Variants in VPS53 observed in about 807,000 individuals in gnomAD.
VPS53 encodes VPS53 subunit of GARP complex, also known as vacuolar protein sorting-associated protein 53 homolog.
A neutral mutation model predicts 107.0 loss-of-function variants in VPS53; 70 were observed. The ratio of observed to expected loss-of-function variants is 0.65; its 90% confidence interval spans 0.54 to 0.80. The LOEUF (loss-of-function observed/expected upper bound fraction) is 0.80. VPS53 is among the 30% of genes least tolerant of loss of function. The probability of loss-of-function intolerance (pLI) is 0.00; values close to 1 mark genes in which losing one functional copy is unlikely to be tolerated. For synonymous variants in VPS53, 409 were observed against 393.3 expected (o/e 1.04, Z -0.47); for missense variants, 917 against 1,049.4 (o/e 0.87, Z 1.74).
chr17:618,317 ATATTTCC>A (rs1280172256), intron 11 of VPS53, among the ~76,000 whole-genome samples: 2 of 94,882 alleles, frequency 2.1e-5, no homozygotes, highest in Admixed American at 1.0e-4. Context: ...CGCCCCACTA[ATATTTCC>A]TGGGTAGCTG....
rs1363503753 is a variant in VPS53 at position 519,257 on chromosome 17, C to T, written c.2370G>A (p.Leu790=). The change falls in exon 22 of 22, where the codon CTG becomes CTA. Residue 790 remains leucine (L), a synonymous_variant. Coordinates refer to ENST00000437048, the MANE Select transcript of VPS53 (RefSeq NM_001128159.3). This position sits in a 1 kb window ranked among gnomAD's most constrained non-coding sequence, Gnocchi z 5.0. ...RSEQSSMLEL[L]RQRLPAPPSG... is the part of the protein sequence containing the mutation. ...AGGGCGGTGCGGGGAGCCGCTGGCG[C>T]AGGAGTTCCAGCATGCTGCTCTGCT... The T allele has an allele frequency of 2.0e-6, 3 of 1,538,148 alleles. No homozygotes were observed. In the Admixed American group the frequency reaches 6.3e-5, roughly 32 times the overall value.
intron 7 of VPS53, among the ~76,000 whole-genome samples, chr17:635,777 C>T (rs545742479): frequency 9.2e-5 from 14 of 152,308 alleles, no homozygotes; most frequent in East Asian, 1.9e-4. Flanking sequence ...GGTACCAGTA[C>T]CATGCTGTTT....
intron 2 of VPS53, 151 bp downstream of exon 2, chr17:710,382 C>G: frequency 1.6e-6 from 1 of 632,706 alleles, no homozygotes. Context: ...GTGTAGCTCA[C>G]TGCCCCAGCT....
At chr17:563,287 CTTTTTTT>C (rs36076034) in intron 13 of VPS53, among the ~76,000 whole-genome samples, 64 of 103,298 alleles carry the variant, frequency 6.2e-4, no homozygotes, top group African/African-American at 1.2e-3. Context: ...ACTTCATTTC[CTTTTTTT>C]TTTTTTTTTT....
intron 4 of VPS53, among the ~76,000 whole-genome samples, chr17:662,887 A>C (rs183825178): frequency 1.5e-4 from 18 of 119,944 alleles, no homozygotes; most frequent in African/African-American, 2.2e-4. Context: ...GGAAGGAAGG[A>C]AGGAAGGCAG....
chr17:549,583 GA>G (rs3833167), intron 17 of VPS53, among the ~76,000 whole-genome samples: 62,029 of 149,554 alleles, frequency 0.41, 13,966 homozygotes, highest in East Asian at 0.69. Context: ...TGATTTTATT[GA>G]AAAAAAAAAA....
At chr17:694,484 T>A (rs1466167796) in intron 4 of VPS53, among the ~76,000 whole-genome samples, 1 of 152,202 alleles carries the variant, frequency 6.6e-6, no homozygotes, top group African/African-American at 2.4e-5. Context: ...CTCACTATTT[T>A]CACATTCTTG....
At position 616,759 on chromosome 17, in the gene VPS53, A is replaced by C. The variant is rs149119077; in HGVS notation, c.1116+6774T>G. ...TTGCAAACTTGAGTAAGCTCCTGTC[A>C]GTTTTTCATGGTCTCTACGTGGTTA... On this transcript the variant is annotated intron_variant, in intron 11 of 21. Transcript: ENST00000437048. 3.0e-3 allele frequency among the ~76,000 whole-genome samples: 463 copies of C among 152,350 alleles called. 2 individuals carry two copies. The highest frequency in any genetic ancestry group is 9.5e-3 in the African/African-American group (396 of 41,580).
At chr17:693,669 GGT>G (rs1183071448) in intron 4 of VPS53, among the ~76,000 whole-genome samples, 2 of 152,198 alleles carry the variant, frequency 1.3e-5, no homozygotes, top group African/African-American at 4.8e-5. Flanking sequence ...AGGAGTTCAA[GGT>G]TACCGTGAAA....
rs564933313 is a variant in VPS53 at position 653,463 on chromosome 17, T to C, written c.489-53A>G. Reference sequence around the variant, plus strand: ...CTAGAAAAACACTAAAGACGCAAGATACAGACACAGAACAACCCACGCTAG... The same window carrying C: ...CTAGAAAAACACTAAAGACGCAAGACACAGACACAGAACAACCCACGCTAG... On this transcript the variant is annotated intron_variant, in intron 6 of 21. Coordinates refer to ENST00000437048, the MANE Select transcript of VPS53 (RefSeq NM_001128159.3). 12 of 1,611,844 alleles carry C rather than the reference T, an allele frequency of 7.4e-6. No individual in the cohort carries two copies. In the East Asian group the frequency reaches 1.1e-4, roughly 15 times the overall value.
chr17:577,207 T>G (rs1054120129), intron 13 of VPS53, among the ~76,000 whole-genome samples: 1 of 151,230 alleles, frequency 6.6e-6, no homozygotes, highest in Non-Finnish European at 1.5e-5. Flanking sequence ...GTCAATGCGT[T>G]CCCAGAGAAC....
chr17:594,507 T>A (rs1967852062), intron 12 of VPS53, among the ~76,000 whole-genome samples: 1 of 148,654 alleles, frequency 6.7e-6, no homozygotes, highest in Admixed American at 6.7e-5. Context: ...ATCAATTTCC[T>A]GGTTTAATGA....
At chr17:559,888 G>T (rs1912776125) in intron 15 of VPS53, among the ~76,000 whole-genome samples, 4 of 152,212 alleles carry the variant, frequency 2.6e-5, no homozygotes, top group African/African-American at 9.6e-5. Flanking sequence ...GGCCATGTGG[G>T]GGCCTCCAGC....
chr17:632,777 G>A (rs1288377629), intron 7 of VPS53: 1 of 456,256 alleles, frequency 2.2e-6, no homozygotes, highest in South Asian at 1.5e-5. Flanking sequence ...GTCTTCCCGT[G>A]TCTGGCTTAT....
At chr17:619,650 A>T (rs1364419542) in intron 11 of VPS53, among the ~76,000 whole-genome samples, 6 of 53,992 alleles carry the variant, frequency 1.1e-4, no homozygotes, top group African/African-American at 4.1e-4. Flanking sequence ...TTTCCCGGGT[A>T]GCTGGGACTA....
At chr17:571,262 G>T (rs1914023487) in intron 13 of VPS53, among the ~76,000 whole-genome samples, 1 of 149,402 alleles carries the variant, frequency 6.7e-6, no homozygotes, top group Non-Finnish European at 1.5e-5. Context: ...GGTGGGGAGG[G>T]GAGGGAGAAG....
At position 518,954 on chromosome 17, in the gene VPS53, G is replaced by A. The variant is rs1347583280; in HGVS notation, c.*174C>T. 5 of 669,190 alleles carry A rather than the reference G, an allele frequency of 7.5e-6. No individual in the cohort carries two copies. Among genetic ancestry groups the A allele is most frequent in the South Asian group, 5.4e-5 (2 of 36,748 alleles). 41.5% of individuals were successfully genotyped at this position (669,190 alleles called of 1,614,324 possible). ...AGCCCAGCCCTTACTCAGCGTCTCCGATTAGGGCAGGAAGTAAGACAGGGC... is the reference window on the plus strand; with the variant it reads ...AGCCCAGCCCTTACTCAGCGTCTCCAATTAGGGCAGGAAGTAAGACAGGGC... On this transcript the variant is annotated 3_prime_UTR_variant, in exon 22 of 22. Transcript: ENST00000437048.
intron 4 of VPS53, among the ~76,000 whole-genome samples, chr17:667,484 C>A (rs1189792704): frequency 8.0e-6 from 1 of 124,718 alleles, no homozygotes; most frequent in African/African-American, 3.3e-5. Context: ...CTGTTTTAAA[C>A]ATAATGTTCT....
intron 4 of VPS53, among the ~76,000 whole-genome samples, chr17:680,674 C>T (rs1299246614): frequency 3.3e-5 from 5 of 152,230 alleles, no homozygotes. Flanking sequence ...GACAACATTA[C>T]ACTTGGTGTC....
Sources: gnomAD v4.1 joint callset for allele counts (sites outside exome capture counted in the v4.1 genomes callset) on GRCh38, gnomAD v4.1.1 for gene constraint, Gnocchi (gnomAD v3.1) non-coding constraint, MANE v1.5 for transcripts, NCBI Gene and HGNC (gene_info 2026-07-23, HGNC 2026-07-21) for gene names.